Variants in RC3H1 observed in about 807,000 individuals in gnomAD.
The protein encoded by RC3H1 is ring finger and CCCH-type domains 1, also known as roquin-1.
A neutral mutation model predicts 138.2 loss-of-function variants in RC3H1; 50 were observed. That is an observed-to-expected ratio of 0.36 (90% CI 0.29 to 0.46). The LOEUF is 0.46. RC3H1 is among the 20% of genes least tolerant of loss of function. The pLI, the probability that RC3H1 is intolerant of heterozygous loss-of-function variation, is 1.00. For synonymous variants in RC3H1, 462 were observed against 489.1 expected, an observed-to-expected ratio of 0.94 and a Z score of 0.73; for missense variants, 1,031 against 1,388.1, an observed-to-expected ratio of 0.74 and a Z score of 4.09.
At chr1:173,994,022 GAAAAAAAA>G (rs372280833) in intron 1 of RC3H1, among the ~76,000 whole-genome samples, 2 of 46,956 alleles carry the variant, frequency 4.3e-5, no homozygotes, top group South Asian at 9.6e-4. Context: ...CTCCATCTCA[GAAAAAAAA>G]AAAAAAAAAA....
intron 1 of RC3H1, among the ~76,000 whole-genome samples, chr1:173,998,047 T>A (rs757015555): frequency 6.6e-6 from 1 of 152,156 alleles, no homozygotes; most frequent in Non-Finnish European, 1.5e-5. Flanking sequence ...TAAGCATTCT[T>A]TCAGTCAAAA....
At position 173,936,933 on chromosome 1, in the gene RC3H1, CTATGTATA is replaced by C. The variant is rs1462579223; in HGVS notation, c.*1780_*1787del. Reference sequence around the variant, plus strand: ...ATACCCAATATATATACAGATATAGCTATGTATATATGTATATATATAATATATATATA... The same window carrying C: ...ATACCCAATATATATACAGATATAGCTATGTATATATATAATATATATATA... On this transcript the variant is annotated 3_prime_UTR_variant, in exon 20 of 20. Coordinates refer to ENST00000367696, the MANE Select transcript of RC3H1 (RefSeq NM_172071.4). 3 of 145,242 alleles carry C rather than the reference CTATGTATA, an allele frequency of 2.1e-5. No homozygotes were observed. The highest frequency in any genetic ancestry group is 3.0e-5 in the Non-Finnish European group (2 of 66,386). 9.0% of individuals were successfully genotyped at this position (145,242 alleles called of 1,614,324 possible).
chr1:174,019,915 AAT>A (rs763229474), intron 1 of RC3H1, among the ~76,000 whole-genome samples: 7 of 152,152 alleles, frequency 4.6e-5, no homozygotes, highest in Non-Finnish European at 2.9e-5. Flanking sequence ...ACCACTTAAA[AAT>A]ATTTATTTTC....
In RC3H1 at chr1:174,014,295, C is replaced by T. The variant is rs1661819473; in HGVS notation, c.-151+7801G>A. ...TAATGCAAGATACTAACAGAGGAAA[C>T]CGTGGGGGACAGTATAAATGGGAAC... On this transcript the variant is annotated intron_variant, in intron 1 of 19. Coordinates refer to ENST00000367696, the MANE Select transcript of RC3H1 (RefSeq NM_172071.4). Among the ~76,000 whole-genome samples the T allele has an allele frequency of 2.0e-5, 3 of 152,176 alleles. No homozygotes were observed. In the South Asian group the frequency reaches 6.2e-4, roughly 32 times the overall value.
In RC3H1 at chr1:173,961,786, T is replaced by C; in HGVS notation, c.2141A>G (p.Gln714Arg). Residue 714 changes from glutamine (Q) to arginine (R), a missense_variant, in exon 12 of 20, where the codon CAG (glutamine) becomes CGG (arginine). By Grantham distance (43) the Gln-to-Arg change is conservative (BLOSUM62 1). Coordinates refer to ENST00000367696, the MANE Select transcript of RC3H1 (RefSeq NM_172071.4). ...YVPESRERYQ[Q>R]IESYYPVAPH... Reference sequence around the variant, plus strand: ...AGCCACTGGATAGTAACTCTCGATCTGTTGGTATCTTTCTCTGGATTCTGG... The same window carrying C: ...AGCCACTGGATAGTAACTCTCGATCCGTTGGTATCTTTCTCTGGATTCTGG... 1.2e-6 allele frequency: 2 copies of C among 1,613,352 alleles called. No homozygotes were observed. Among genetic ancestry groups the C allele is most frequent in the South Asian group, 2.2e-5 (2 of 91,044 alleles).
chr1:173,963,927 T>C (rs772227986), intron 11 of RC3H1, 46 bp downstream of exon 11: 8 of 1,501,306 alleles, frequency 5.3e-6, no homozygotes, highest in Non-Finnish European at 7.4e-6. Flanking sequence ...AGAACAGTTC[T>C]GATAATTCCT....
intron 1 of RC3H1, among the ~76,000 whole-genome samples, chr1:174,017,861 A>C (rs1661891169): frequency 6.8e-6 from 1 of 146,570 alleles, no homozygotes; most frequent in African/African-American, 2.7e-5. Context: ...TTTAGATAAA[A>C]TGCACTTATA....
Position 173,964,926 on chromosome 1 carries a change from C to T in RC3H1, c.1529G>A (p.Arg510Gln). 1 of 1,614,062 alleles carries T rather than the reference C, an allele frequency of 6.2e-7. No homozygotes were observed. The highest frequency in any genetic ancestry group is 1.3e-5 in the African/African-American group (1 of 75,014). The change falls in exon 10 of 20, where the codon CGA (arginine) becomes CAA (glutamine). Residue 510 changes from arginine (R) to glutamine (Q), a missense_variant. Transcript: ENST00000367696. ...TGNTVTQLIP[R>Q]GTDPSYDSSL... ...AGAATCATAGCTGGGGTCTGTCCCT[C>T]GCGGAATAAGCTGTGTTACTGTATT...
At chr1:173,961,673 C>T (rs539572066) in intron 12 of RC3H1, 52 bp downstream of exon 12, 8 of 1,519,442 alleles carry the variant, frequency 5.3e-6, no homozygotes, top group Admixed American at 2.0e-5. Flanking sequence ...TAAGGAATCA[C>T]AGCAAGCAAC....
intron 1 of RC3H1, among the ~76,000 whole-genome samples, chr1:174,018,622 G>T (rs555292744): frequency 1.9e-4 from 29 of 152,244 alleles, no homozygotes; most frequent in Admixed American, 3.9e-4. Context: ...TTACACAAAA[G>T]AAAAAATCTT....
chr1:173,991,380 A>G (rs1661281033), intron 2 of RC3H1, among the ~76,000 whole-genome samples: 1 of 152,172 alleles, frequency 6.6e-6, no homozygotes, highest in African/African-American at 2.4e-5. Flanking sequence ...AGATTCCTTA[A>G]CATTTTCTAT....
chr1:174,000,173 T>C (rs1220297574), intron 1 of RC3H1, among the ~76,000 whole-genome samples: 1 of 152,256 alleles, frequency 6.6e-6, no homozygotes, highest in East Asian at 1.9e-4. Flanking sequence ...AAGGGCTTTT[T>C]AATAGTCTTA....
At chr1:173,949,715 A>G (rs993746462) in intron 14 of RC3H1, among the ~76,000 whole-genome samples, 3 of 152,246 alleles carry the variant, frequency 2.0e-5, no homozygotes, top group Non-Finnish European at 2.9e-5. Flanking sequence ...GAAGACATAC[A>G]TAAGAATGTT....
At chr1:173,987,669 G>A (rs1451978966) in intron 2 of RC3H1, among the ~76,000 whole-genome samples, 1 of 152,084 alleles carries the variant, frequency 6.6e-6, no homozygotes, top group Non-Finnish European at 1.5e-5. Context: ...CTATTGGGGT[G>A]TTGTTCCTTC....
At chr1:174,019,745 T>C (rs1348882533) in intron 1 of RC3H1, among the ~76,000 whole-genome samples, 5 of 152,108 alleles carry the variant, frequency 3.3e-5, no homozygotes, top group Non-Finnish European at 7.4e-5. Context: ...GTATTGATAC[T>C]GAAGAAGGGA....
intron 2 of RC3H1, among the ~76,000 whole-genome samples, chr1:173,989,768 G>A (rs963006440): frequency 2.2e-5 from 3 of 133,604 alleles, no homozygotes; most frequent in Admixed American, 8.5e-5. Context: ...CGCCCAGGCC[G>A]GATTGCGGAC....
At chr1:173,978,646 C>G in intron 6 of RC3H1, 26 bp from the exon 7 acceptor site, 1 of 1,594,284 alleles carries the variant, frequency 6.3e-7, no homozygotes, top group South Asian at 1.2e-5. Flanking sequence ...TGTTAACTTT[C>G]CCAAAGGTCA....
chr1:173,967,280 A>G (rs533475590), intron 9 of RC3H1, among the ~76,000 whole-genome samples: 10 of 152,304 alleles, frequency 6.6e-5, no homozygotes, highest in African/African-American at 2.4e-4. Context: ...TGATTGCATC[A>G]CTGCACTCCA....
At chr1:173,967,946 CTT>C (rs1660193959) in intron 9 of RC3H1, among the ~76,000 whole-genome samples, 1 of 152,166 alleles carries the variant, frequency 6.6e-6, no homozygotes, top group African/African-American at 2.4e-5. Flanking sequence ...ATTTAAATCT[CTT>C]ATACATCTAG....
Sources: allele counts gnomAD v4.1 joint callset (sites outside exome capture counted in the v4.1 genomes callset), GRCh38; gene constraint gnomAD v4.1.1; transcripts MANE v1.5; gene names NCBI Gene and HGNC (gene_info 2026-07-23, HGNC 2026-07-21).